The following RAB3C variants were observed in gnomAD, a reference collection of about 807,000 sequenced individuals.
RAB3C encodes RAB3C, member RAS oncogene family.
A neutral mutation model predicts 26.4 loss-of-function variants in RAB3C; 17 were observed. The ratio of observed to expected loss-of-function variants is 0.64; its 90% CI spans 0.44 to 0.97. RAB3C has a LOEUF of 0.97. Among genes scored for constraint, RAB3C ranks in the 50% least tolerant of loss-of-function variants. The pLI is 0.00. For synonymous variants in RAB3C, 91 were observed against 95.9 expected (o/e 0.95, Z 0.30); for missense variants, 242 against 281.9 (o/e 0.86, Z 1.01).
In RAB3C at chr5:58,771,854, T is replaced by C. The variant is rs149794591; in HGVS notation, c.371+45734T>C. Among the ~76,000 whole-genome samples the C allele has an allele frequency of 2.7e-3, 416 of 151,822 alleles. 1 individual carries two copies. Among genetic ancestry groups the C allele is most frequent in the Non-Finnish European group, 4.7e-3 (319 of 67,912 alleles). On this transcript the variant is annotated intron_variant, in intron 3 of 4. Transcript: ENST00000282878. The stretch of plus-strand genomic sequence containing the variant: ...TCTTTTTTCTTTTTCTTTTTCTTTT[T>C]TTTTTTTTGAGATTCTTTTTCCTGG...
At chr5:58,702,340 A>G (rs891104541) in intron 2 of RAB3C, among the ~76,000 whole-genome samples, 1 of 152,124 alleles carries the variant, frequency 6.6e-6, no homozygotes, top group Non-Finnish European at 1.5e-5. Context: ...CATCCATGCA[A>G]ACTACTTTTA....
chr5:58,805,951 T>C (rs541361306), intron 3 of RAB3C, among the ~76,000 whole-genome samples: 11 of 152,328 alleles, frequency 7.2e-5, no homozygotes, highest in African/African-American at 2.6e-4. Flanking sequence ...TAAATGGGTA[T>C]CTAGCACCCT....
chr5:58,698,056 T>C (rs1053318759), intron 2 of RAB3C, among the ~76,000 whole-genome samples: 2 of 152,238 alleles, frequency 1.3e-5, no homozygotes, highest in African/African-American at 4.8e-5. Context: ...CAGTGGCTGG[T>C]ACCAGTTGTT....
chr5:58,681,135 C>CTTAAAACAGATTAAAACAGA (rs1748334408), intron 2 of RAB3C, among the ~76,000 whole-genome samples: 1 of 151,908 alleles, frequency 6.6e-6, no homozygotes, highest in Non-Finnish European at 1.5e-5. Flanking sequence ...GTTTCTAATC[C>CTTAAAACAGATTAAAACAGA]TTAAAACAGA....
At chr5:58,768,561 A>G (rs552745631) in intron 3 of RAB3C, among the ~76,000 whole-genome samples, 1 of 152,222 alleles carries the variant, frequency 6.6e-6, no homozygotes, top group African/African-American at 2.4e-5. Context: ...CCCAAGGACT[A>G]TTTTAGATCA....
At chr5:58,597,149 C>CATTATATATTAT (rs1746324652) in intron 1 of RAB3C, among the ~76,000 whole-genome samples, 1 of 10,736 alleles carries the variant, frequency 9.3e-5, no homozygotes, top group Non-Finnish European at 2.4e-4. Context: ...ATATATACTA[C>CATTATATATTAT]ATAATATATA....
intron 1 of RAB3C, among the ~76,000 whole-genome samples, chr5:58,586,722 G>A (rs1746015221): frequency 6.6e-6 from 1 of 151,036 alleles, no homozygotes; most frequent in African/African-American, 2.4e-5. Context: ...CCAAAACATG[G>A]AGCAGAGTGC....
chr5:58,617,476 A>G (rs1190672478), intron 1 of RAB3C, 167 bp from the exon 2 acceptor site: 2 of 773,676 alleles, frequency 2.6e-6, no homozygotes, highest in Admixed American at 1.7e-5. Context: ...AATTATTGCC[A>G]TGGATACCAA....
At chr5:58,669,930 T>C (rs1216427421) in intron 2 of RAB3C, among the ~76,000 whole-genome samples, 1 of 152,188 alleles carries the variant, frequency 6.6e-6, no homozygotes, top group African/African-American at 2.4e-5. Context: ...TTCTGAATAG[T>C]TTAATCTTGT....
chr5:58,629,228 T>C (rs1747137130), intron 2 of RAB3C, among the ~76,000 whole-genome samples: 1 of 152,126 alleles, frequency 6.6e-6, no homozygotes, highest in Non-Finnish European at 1.5e-5. Flanking sequence ...TATTTATTTA[T>C]TAACATTATT....
intron 2 of RAB3C, among the ~76,000 whole-genome samples, chr5:58,651,225 C>T (rs951276523): frequency 1.3e-5 from 2 of 152,212 alleles, no homozygotes; most frequent in East Asian, 3.8e-4. Context: ...CTGATCTGCA[C>T]TAGCTGTGGC....
chr5:58,833,415 G>A (rs1366197364), intron 4 of RAB3C, among the ~76,000 whole-genome samples: 6 of 151,102 alleles, frequency 4.0e-5, no homozygotes, highest in Non-Finnish European at 7.4e-5. Flanking sequence ...AGTGTTTTTA[G>A]CTCCTTAGGT....
chr5:58,716,659 C>T (rs939455881), intron 2 of RAB3C, among the ~76,000 whole-genome samples: 3 of 151,882 alleles, frequency 2.0e-5, no homozygotes, highest in African/African-American at 4.8e-5. Context: ...GTAGTTTGCT[C>T]GGTAAAAAGC....
chr5:58,662,972 A>G (rs1747934335), intron 2 of RAB3C, among the ~76,000 whole-genome samples: 1 of 150,428 alleles, frequency 6.6e-6, no homozygotes, highest in Non-Finnish European at 1.5e-5. Context: ...TCAATGTTGT[A>G]TCTTCTTCCC....
chr5:58,647,311 C>T (rs1747540733), intron 2 of RAB3C, among the ~76,000 whole-genome samples: 1 of 152,174 alleles, frequency 6.6e-6, no homozygotes, highest in African/African-American at 2.4e-5. Flanking sequence ...ACAATTATGG[C>T]AGAAGGTGAA....
In RAB3C at chr5:58,768,380, G is replaced by A. The variant is rs547542365; in HGVS notation, c.371+42260G>A. ...ATTTCTTATGTAGTTGAGTGGATCA[G>A]TTAATCACTCATTTAACAAATATTG... On this transcript the variant is annotated intron_variant, in intron 3 of 4. Coordinates refer to ENST00000282878, the MANE Select transcript of RAB3C (RefSeq NM_138453.4). Among the ~76,000 whole-genome samples, 4 of 152,226 alleles carry A rather than the reference G, an allele frequency of 2.6e-5. No homozygotes were observed. The South Asian group carries it at 8.3e-4, about 32-fold the overall frequency.
At chr5:58,842,296 T>C (rs1056435433) in intron 4 of RAB3C, among the ~76,000 whole-genome samples, 1 of 152,224 alleles carries the variant, frequency 6.6e-6, no homozygotes, top group Non-Finnish European at 1.5e-5. Flanking sequence ...AGAAAATCGT[T>C]TGTTCATCCT....
At chr5:58,710,400 A>G (rs1490835040) in intron 2 of RAB3C, among the ~76,000 whole-genome samples, 1 of 151,866 alleles carries the variant, frequency 6.6e-6, no homozygotes, top group African/African-American at 2.4e-5. Flanking sequence ...GGAGTTCGAG[A>G]CCAGCCTGGC....
intron 2 of RAB3C, among the ~76,000 whole-genome samples, chr5:58,697,723 T>G (rs985990303): frequency 2.0e-5 from 3 of 152,212 alleles, no homozygotes; most frequent in Admixed American, 1.3e-4. Context: ...AAAGTCTGTT[T>G]TATCCGAGAC....
Sources: allele counts gnomAD v4.1 joint callset (sites outside exome capture counted in the v4.1 genomes callset), GRCh38; gene constraint gnomAD v4.1.1; transcripts MANE v1.5; gene names NCBI Gene and HGNC (gene_info 2026-07-23, HGNC 2026-07-21).